FBLIM1: variants seen among roughly 807,000 people sequenced by gnomAD.
FBLIM1 encodes the protein filamin binding LIM protein 1.
A neutral mutation model predicts 37.4 loss-of-function variants in FBLIM1; 29 were observed. That is an observed-to-expected ratio of 0.77 (90% CI 0.58 to 1.06). The LOEUF (loss-of-function observed/expected upper bound fraction) is 1.06. FBLIM1 is among the 50% of genes least tolerant of loss of function. The pLI is 0.00. For synonymous variants in FBLIM1, 193 were observed against 199.0 expected (o/e 0.97, Z 0.25); for missense variants, 449 against 505.6 (o/e 0.89, Z 1.07).
At chr1:15,761,593 A>C (rs945315371) in intron 1 of FBLIM1, among the ~76,000 whole-genome samples, 3 of 152,222 alleles carry the variant, frequency 2.0e-5, no homozygotes, top group Admixed American at 2.0e-4. Context: ...TGTAAAACTA[A>C]AGCCCGTGAC....
At chr1:15,778,215 C>G (rs770652317) in intron 8 of FBLIM1, among the ~76,000 whole-genome samples, 1 of 152,046 alleles carries the variant, frequency 6.6e-6, no homozygotes, top group Admixed American at 6.6e-5. Flanking sequence ...GAAGAGGATG[C>G]TGGACAGATC....
At chr1:15,762,515 C>G (rs2068722754) in intron 1 of FBLIM1, among the ~76,000 whole-genome samples, 1 of 152,082 alleles carries the variant, frequency 6.6e-6, no homozygotes, top group Non-Finnish European at 1.5e-5. Flanking sequence ...ACCACCTTGC[C>G]CTCCAAAAAT....
chr1:15,783,548 C>G (rs1400367715), intron 8 of FBLIM1, among the ~76,000 whole-genome samples: 1 of 149,248 alleles, frequency 6.7e-6, no homozygotes, highest in African/African-American at 2.5e-5. Context: ...AACAGGGTTC[C>G]TGTCTCGTAG....
At chr1:15,784,299 C>T (rs762481211) in intron 8 of FBLIM1, among the ~76,000 whole-genome samples, 6 of 152,322 alleles carry the variant, frequency 3.9e-5, no homozygotes, top group Admixed American at 2.0e-4. Context: ...GTTCTCCTGA[C>T]GGTGAATGTC....
In FBLIM1 at chr1:15,786,230, A is replaced by C. The variant is rs1041580023; in HGVS notation, c.*1569A>C. The C allele has an allele frequency of 6.6e-6, 1 of 152,240 alleles. No individual in the cohort carries two copies. Among genetic ancestry groups the C allele is most frequent in the African/African-American group, 2.4e-5 (1 of 41,462 alleles). 9.4% of individuals were successfully genotyped at this position (152,240 alleles called of 1,614,324 possible). On this transcript the variant is annotated 3_prime_UTR_variant, in exon 9 of 9. Transcript: ENST00000375766. ...CTAAGACATTTTGTACGGCACGGAC[A>C]AGTTAAACAGAATGTGCTTCCCTCC...
At chr1:15,767,648 G>T in intron 4 of FBLIM1, 85 bp downstream of exon 4, 3 of 539,134 alleles carry the variant, frequency 5.6e-6, no homozygotes, top group Non-Finnish European at 9.9e-6. Flanking sequence ...GCATTCAGGG[G>T]TTCTAAACCT....
intron 8 of FBLIM1, among the ~76,000 whole-genome samples, chr1:15,781,255 G>A (rs2069627728): frequency 6.6e-6 from 1 of 152,044 alleles, no homozygotes; most frequent in South Asian, 2.1e-4. Context: ...CTACTCGGGA[G>A]GGTGAGTCAG....
rs780678782 is a variant in FBLIM1 at position 15,784,550 on chromosome 1, C to T, written c.1011C>T (p.Asp337=). 1.9e-6 allele frequency: 3 copies of T among 1,613,590 alleles called. No individual in the cohort carries two copies. Among genetic ancestry groups the T allele is most frequent in the Non-Finnish European group, 2.5e-6 (3 of 1,179,690 alleles). Reference sequence around the variant, plus strand: ...AGCATGTGTCTTTGTCTCCCCAGGACTGCAGGATCCTCCTGTCTGTCGAGC... The same window carrying T: ...AGCATGTGTCTTTGTCTCCCCAGGATTGCAGGATCCTCCTGTCTGTCGAGC... ...NFHENCYRCE[D]CRILLSVEPT... The change falls in exon 9 of 9, where the codon GAC becomes GAT. Residue 337 remains aspartate (D), a splice_region_variant and synonymous_variant. Coordinates refer to ENST00000375766, the MANE Select transcript of FBLIM1 (RefSeq NM_017556.4).
intron 1 of FBLIM1, among the ~76,000 whole-genome samples, 161 bp downstream of exon 1, chr1:15,759,009 C>T (rs1459217550): frequency 6.6e-6 from 1 of 152,074 alleles, no homozygotes; most frequent in Non-Finnish European, 1.5e-5. Flanking sequence ...GTGCGGTCCT[C>T]ACGCCCTTTG....
intron 6 of FBLIM1, among the ~76,000 whole-genome samples, chr1:15,773,681 GAAA>G (rs35429082): frequency 1.9e-5 from 2 of 106,964 alleles, no homozygotes; most frequent in Non-Finnish European, 1.9e-5. Flanking sequence ...CTCCGTCTCA[GAAA>G]AAAAAAAAAA....
intron 1 of FBLIM1, among the ~76,000 whole-genome samples, chr1:15,761,470 C>G (rs916412986): frequency 2.6e-5 from 4 of 152,156 alleles, no homozygotes; most frequent in Non-Finnish European, 5.9e-5. Flanking sequence ...GTACCTGGCA[C>G]AGGGCCTGGC....
chr1:15,785,427 G>C lies in FBLIM1; in HGVS notation c.*766G>C, dbSNP rs1156570051. The C allele has an allele frequency of 1.3e-5, 2 of 152,212 alleles. No homozygotes were observed. The highest frequency in any genetic ancestry group is 3.9e-4 in the East Asian group (2 of 5,190). 9.4% of individuals were successfully genotyped at this position (152,212 alleles called of 1,614,324 possible). A position where few individuals can be genotyped will look rare whatever the true frequency, so the allele number is the denominator to read the frequency against. ...AGGCAGGCAGATCACTTGAGGTCAG[G>C]AGTTTGAGACCAGCCTGGCCAACAC... is the stretch of plus-strand genomic sequence containing the variant. On this transcript the variant is annotated 3_prime_UTR_variant, in exon 9 of 9. Coordinates refer to ENST00000375766, the MANE Select transcript of FBLIM1 (RefSeq NM_017556.4).
At chr1:15,768,059 CT>C (rs748955797) in intron 4 of FBLIM1, among the ~76,000 whole-genome samples, 22 of 152,144 alleles carry the variant, frequency 1.4e-4, no homozygotes, top group Non-Finnish European at 2.9e-4. Flanking sequence ...ATTTATTGTG[CT>C]TTTATAGAGA....
intron 8 of FBLIM1, among the ~76,000 whole-genome samples, chr1:15,781,336 GAC>G (rs2069630261): frequency 1.3e-5 from 2 of 151,718 alleles, no homozygotes; most frequent in African/African-American, 2.4e-5. Flanking sequence ...CCAGCCTGGA[GAC>G]AGAGTGAGAC....
intron 5 of FBLIM1, among the ~76,000 whole-genome samples, chr1:15,769,443 C>T (rs1168430797): frequency 1.3e-5 from 2 of 151,066 alleles, no homozygotes; most frequent in African/African-American, 2.4e-5. Flanking sequence ...CGCCACTGCT[C>T]TCCAGCCTGG....
Position 15,785,338 on chromosome 1 carries a change from A to AAAAAAAAT in FBLIM1, c.*681_*682insAAATAAAA. 1 of 149,374 alleles carries AAAAAAAAT rather than the reference A, an allele frequency of 6.7e-6. No individual in the cohort carries two copies. The highest frequency in any genetic ancestry group is 1.5e-5 in the Non-Finnish European group (1 of 67,344). 9.3% of individuals were successfully genotyped at this position (149,374 alleles called of 1,614,324 possible). On this transcript the variant is annotated 3_prime_UTR_variant, in exon 9 of 9. Coordinates refer to ENST00000375766, the MANE Select transcript of FBLIM1 (RefSeq NM_017556.4). ...AGAGGGAAACTCCGTCTCAAAAAAA[A>AAAAAAAAT]AAAAGTGCCTTTTAGGCCGGATGTG...
chr1:15,763,921 G>C (rs1303213623), intron 1 of FBLIM1, among the ~76,000 whole-genome samples: 2 of 152,128 alleles, frequency 1.3e-5, no homozygotes, highest in African/African-American at 4.8e-5. Flanking sequence ...TTACAGCTGT[G>C]AGCCACCATG....
At chr1:15,780,390 G>C (rs2069605312) in intron 8 of FBLIM1, among the ~76,000 whole-genome samples, 1 of 151,620 alleles carries the variant, frequency 6.6e-6, no homozygotes, top group East Asian at 1.9e-4. Context: ...AGTAGAGATG[G>C]GGTTTCGCCA....
At chr1:15,770,385 T>C in intron 5 of FBLIM1, 24 bp from the exon 6 acceptor site, 3 of 1,606,054 alleles carry the variant, frequency 1.9e-6, no homozygotes, top group South Asian at 1.1e-5. Flanking sequence ...GGGCTGGTGA[T>C]GGCCTGTGTC....
Sources: allele counts gnomAD v4.1 joint callset (sites outside exome capture counted in the v4.1 genomes callset), GRCh38; gene constraint gnomAD v4.1.1; transcripts MANE v1.5; gene names NCBI Gene and HGNC (gene_info 2026-07-23, HGNC 2026-07-21).